BANK1: variants seen among roughly 807,000 people sequenced by gnomAD.
BANK1 encodes B-cell scaffold protein with ankyrin repeats.
BANK1 carries 95 observed loss-of-function variants against 94.5 expected under a neutral mutation model. The observed-to-expected ratio is 1.00, with a 90% confidence interval of 0.85 to 1.19. The LOEUF is 1.19. Ranked by LOEUF, BANK1 falls within the 50% of genes most tolerant of loss-of-function variation. The pLI, the probability that BANK1 is intolerant of heterozygous loss-of-function variation, is 0.00. For missense variants in BANK1, 987 were observed against 932.2 expected, an observed-to-expected ratio of 1.06 and a Z score of -0.77; for synonymous variants, 334 against 308.4, an observed-to-expected ratio of 1.08 and a Z score of -0.87.
chr4:101,977,607 A>AT lies in BANK1; in HGVS notation c.1207-43904dup, dbSNP rs1725179432. ...GACCACAATTCTTAAGAATACAATT[A>AT]TTTCCAGACAAATGTAGTCTCTGAG... On this transcript the variant is annotated intron_variant, in intron 7 of 16. Transcript: ENST00000322953. Among the ~76,000 whole-genome samples, 4 of 152,156 alleles carry AT rather than the reference A, an allele frequency of 2.6e-5. No homozygotes were observed. The South Asian group carries it at 8.3e-4, about 32-fold the overall frequency.
chr4:101,852,078 T>C (rs1182706606), intron 2 of BANK1, among the ~76,000 whole-genome samples: 2 of 152,166 alleles, frequency 1.3e-5, no homozygotes, highest in Non-Finnish European at 2.9e-5. Context: ...TCTGTTGTGA[T>C]GTCTCTGTTC....
At chr4:101,820,224 C>G (rs1432165510) in intron 1 of BANK1, among the ~76,000 whole-genome samples, 1 of 152,162 alleles carries the variant, frequency 6.6e-6, no homozygotes, top group Non-Finnish European at 1.5e-5. Context: ...CTTTCTCAGT[C>G]TAATAACCCT....
chr4:102,029,522 A>G (rs1050716216), intron 9 of BANK1, among the ~76,000 whole-genome samples: 1 of 148,256 alleles, frequency 6.7e-6, no homozygotes, highest in African/African-American at 2.4e-5. Context: ...AGTATATATA[A>G]TATATAAAAT....
intron 6 of BANK1, among the ~76,000 whole-genome samples, chr4:101,909,751 A>T (rs1722597000): frequency 6.6e-6 from 1 of 152,220 alleles, no homozygotes; most frequent in Admixed American, 6.5e-5. Flanking sequence ...AACAACATAT[A>T]TAAAAATATC....
chr4:102,071,173 C>A, intron 13 of BANK1, 102 bp from the exon 14 acceptor site: 1 of 1,334,430 alleles, frequency 7.5e-7, no homozygotes, highest in Non-Finnish European at 1.1e-6. Flanking sequence ...TCATAGCAAC[C>A]TCAAAGACAA....
intron 7 of BANK1, among the ~76,000 whole-genome samples, chr4:101,956,076 T>C (rs951349595): frequency 9.8e-5 from 15 of 152,318 alleles, no homozygotes; most frequent in Middle Eastern, 6.8e-3. Context: ...AAAATGCCAC[T>C]ACCCTTTTCA....
intron 7 of BANK1, among the ~76,000 whole-genome samples, chr4:101,986,853 A>G (rs28493871): frequency 1.1e-3 from 74 of 68,474 alleles, no homozygotes; most frequent in African/African-American, 3.6e-3. Flanking sequence ...GTGTATATAT[A>G]TGTATATATA....
rs187782598 is a variant in BANK1 at position 102,001,661 on chromosome 4, G to A, written c.1207-19853G>A. 1.2e-4 allele frequency among the ~76,000 whole-genome samples: 19 copies of A among 152,250 alleles called. No homozygotes were observed. In the East Asian group the frequency reaches 3.1e-3, roughly 25 times the overall value. The stretch of plus-strand genomic sequence containing the variant: ...AAAATTAAAAATCAGAGTGAAGGGC[G>A]CAGTCAACCACAGCTGATCATCATG... On this transcript the variant is annotated intron_variant, in intron 7 of 16. Transcript: ENST00000322953.
At chr4:102,025,962 G>A (rs531317343) in intron 9 of BANK1, among the ~76,000 whole-genome samples, 4 of 152,282 alleles carry the variant, frequency 2.6e-5, no homozygotes, top group South Asian at 2.1e-4. Flanking sequence ...GCTAATGATC[G>A]ACAATTTTCA....
At chr4:101,926,488 C>T (rs1188305202) in intron 7 of BANK1, among the ~76,000 whole-genome samples, 1 of 151,676 alleles carries the variant, frequency 6.6e-6, no homozygotes, top group African/African-American at 2.4e-5. Context: ...TTTAGTTTAA[C>T]AAATAGATTG....
rs532161453 is a variant in BANK1 at position 101,959,256 on chromosome 4, C to A, written c.1206+41067C>A. 2.1e-3 allele frequency among the ~76,000 whole-genome samples: 326 copies of A among 152,096 alleles called. 2 individuals are homozygous for A. The highest frequency in any genetic ancestry group is 0.017 in the Middle Eastern group (5 of 294). On this transcript the variant is annotated intron_variant, in intron 7 of 16. Transcript: ENST00000322953. ...CTGGGTTCAAGCAATTCTTATGCCT[C>A]GGCCTCCCAAGTAGCTGGGATTACA...
intron 7 of BANK1, among the ~76,000 whole-genome samples, chr4:102,004,900 A>C (rs144585947): frequency 2.0e-5 from 3 of 152,092 alleles, no homozygotes; most frequent in Admixed American, 6.6e-5. Context: ...TTTAGTTGTA[A>C]ATACCTTATA....
intron 13 of BANK1, among the ~76,000 whole-genome samples, chr4:102,068,915 GA>G (rs1347398795): frequency 1.3e-5 from 2 of 151,436 alleles, no homozygotes; most frequent in Non-Finnish European, 2.9e-5. Flanking sequence ...CAAATTACTT[GA>G]AAAACAAAAC....
At chr4:101,984,491 C>T (rs1725421319) in intron 7 of BANK1, among the ~76,000 whole-genome samples, 1 of 152,084 alleles carries the variant, frequency 6.6e-6, no homozygotes, top group African/African-American at 2.4e-5. Context: ...ATTGACCTCT[C>T]AGAATTATTA....
chr4:102,073,583 T>C, intron 15 of BANK1, 101 bp from the exon 16 acceptor site: 1 of 1,007,424 alleles, frequency 9.9e-7, no homozygotes, highest in South Asian at 1.6e-5. Flanking sequence ...TGTTTTTCCA[T>C]GGCTGTGAAA....
intron 7 of BANK1, among the ~76,000 whole-genome samples, chr4:102,013,587 G>A (rs1288313109): frequency 6.6e-6 from 1 of 151,916 alleles, no homozygotes; most frequent in African/African-American, 2.4e-5. Context: ...ATTTCTGCTA[G>A]TTCAAATGGT....
chr4:102,043,798 C>G lies in BANK1; in HGVS notation c.1901-41C>G, dbSNP rs182512189. ...ACTTCTACAGTATGGATTTTTTGAACGTTTATGTTCAGTAAATAATATGTT... is the reference window on the plus strand; with the variant it reads ...ACTTCTACAGTATGGATTTTTTGAAGGTTTATGTTCAGTAAATAATATGTT... On this transcript the variant is annotated intron_variant, in intron 10 of 16. Transcript: ENST00000322953. 3.7e-6 allele frequency: 5 copies of G among 1,355,398 alleles called. No homozygotes were observed. The South Asian group carries it at 6.8e-5, about 18-fold the overall frequency. 84.0% of individuals were successfully genotyped at this position (1,355,398 alleles called of 1,614,324 possible). A position where few individuals can be genotyped will look rare whatever the true frequency, so the allele number is the denominator to read the frequency against.
chr4:101,974,149 T>C (rs1437436130), intron 7 of BANK1, among the ~76,000 whole-genome samples: 1 of 152,160 alleles, frequency 6.6e-6, no homozygotes, highest in Non-Finnish European at 1.5e-5. Flanking sequence ...ATTTAAATAC[T>C]TTCTCTGCTT....
intron 7 of BANK1, among the ~76,000 whole-genome samples, chr4:101,941,666 G>A (rs1723745123): frequency 6.6e-6 from 1 of 151,640 alleles, no homozygotes; most frequent in African/African-American, 2.4e-5. Context: ...AAGACAGTGT[G>A]AAAAGTCTGA....
Sources: allele counts gnomAD v4.1 joint callset (sites outside exome capture counted in the v4.1 genomes callset), GRCh38; gene constraint gnomAD v4.1.1; transcripts MANE v1.5; gene names NCBI Gene and HGNC (gene_info 2026-07-23, HGNC 2026-07-21).